MAGI2: variants seen among roughly 807,000 people sequenced by gnomAD.
MAGI2 encodes membrane associated guanylate kinase, WW and PDZ domain containing 2.
MAGI2 carries 35 observed loss-of-function variants against 133.3 expected under a neutral mutation model. That is an observed-to-expected ratio of 0.26 (90% CI 0.20 to 0.35). MAGI2 has a LOEUF of 0.35. Among genes scored for constraint, MAGI2 ranks in the 10% least tolerant of loss-of-function variants. MAGI2 has a pLI of 1.00. For synonymous variants in MAGI2, 729 were observed against 710.6 expected, an observed-to-expected ratio of 1.03 and a Z score of -0.41; for missense variants, 1,636 against 1,863.4, an observed-to-expected ratio of 0.88 and a Z score of 2.25.
chr7:78,857,154 T>G (rs374482727), intron 2 of MAGI2, among the ~76,000 whole-genome samples: 1 of 152,354 alleles, frequency 6.6e-6, no homozygotes, highest in South Asian at 2.1e-4. Flanking sequence ...GATTTTGGAC[T>G]GAGACAATGG....
intron 20 of MAGI2, among the ~76,000 whole-genome samples, chr7:78,088,481 T>C (rs567502672): frequency 2.0e-5 from 3 of 152,326 alleles, no homozygotes; most frequent in South Asian, 4.1e-4. Context: ...ATTTTGAAGA[T>C]AATTTAATGA....
At chr7:78,255,761 A>T in intron 10 of MAGI2, 182 bp downstream of exon 10, 1 of 669,488 alleles carries the variant, frequency 1.5e-6, no homozygotes, top group Non-Finnish European at 2.6e-6. Flanking sequence ...ATAGAAAAAG[A>T]CATATTCTGA....
chr7:79,335,479 G>A (rs373826483), intron 1 of MAGI2, among the ~76,000 whole-genome samples: 238 of 152,020 alleles, frequency 1.6e-3, no homozygotes, highest in African/African-American at 5.5e-3. Context: ...ATAAAGGAAA[G>A]GCAAGATATA....
intron 3 of MAGI2, among the ~76,000 whole-genome samples, chr7:78,573,510 C>T (rs1801949743): frequency 7.1e-6 from 1 of 141,102 alleles, no homozygotes; most frequent in Non-Finnish European, 1.5e-5. Flanking sequence ...CCTCTGGGCC[C>T]CATTCAAAAA....
At chr7:78,591,394 C>CCA (rs1322990163) in intron 3 of MAGI2, among the ~76,000 whole-genome samples, 1 of 152,174 alleles carries the variant, frequency 6.6e-6, no homozygotes, top group African/African-American at 2.4e-5. Flanking sequence ...TCTAATGTAG[C>CCA]CACATCTAGC....
chr7:78,536,355 G>T (rs1036361924), intron 3 of MAGI2, among the ~76,000 whole-genome samples: 1 of 151,356 alleles, frequency 6.6e-6, no homozygotes, highest in African/African-American at 2.4e-5. Flanking sequence ...CTCGTGATCC[G>T]CCCGCCTCGG....
chr7:78,660,329 T>G (rs2151039142), intron 2 of MAGI2, among the ~76,000 whole-genome samples: 1 of 152,292 alleles, frequency 6.6e-6, no homozygotes, highest in Non-Finnish European at 1.5e-5. Flanking sequence ...GTATACCTCT[T>G]TAATATGCCA....
chr7:78,085,568 A>T (rs1366964422), intron 20 of MAGI2, among the ~76,000 whole-genome samples: 1 of 146,494 alleles, frequency 6.8e-6, no homozygotes, highest in South Asian at 2.1e-4. Context: ...ACACACACAC[A>T]CACACACACA....
intron 1 of MAGI2, among the ~76,000 whole-genome samples, chr7:79,359,665 G>A (rs928352077): frequency 6.6e-5 from 9 of 135,912 alleles, no homozygotes; most frequent in African/African-American, 2.5e-4. Context: ...ATGCTCAAGT[G>A]GGAAACACAC....
chr7:78,704,679 G>T (rs1252342874), intron 2 of MAGI2, among the ~76,000 whole-genome samples: 1 of 151,530 alleles, frequency 6.6e-6, no homozygotes, highest in Non-Finnish European at 1.5e-5. Context: ...ACTGGATAAG[G>T]AAAAGTTAGT....
intron 2 of MAGI2, among the ~76,000 whole-genome samples, chr7:78,903,258 G>GA (rs1308364124): frequency 1.3e-4 from 16 of 122,574 alleles, no homozygotes; most frequent in East Asian, 7.7e-4. Flanking sequence ...CAGTGGCGCT[G>GA]TCTTGGCTCA....
At chr7:79,399,110 TG>T (rs1228846004) in intron 1 of MAGI2, among the ~76,000 whole-genome samples, 1 of 146,208 alleles carries the variant, frequency 6.8e-6, no homozygotes, top group Admixed American at 6.9e-5. Flanking sequence ...TTTTTTTTTT[TG>T]GGAGATGGAG....
chr7:78,824,724 C>T (rs544734565), intron 2 of MAGI2, among the ~76,000 whole-genome samples: 1 of 152,204 alleles, frequency 6.6e-6, no homozygotes, highest in East Asian at 1.9e-4. Flanking sequence ...CTGTAGGTTG[C>T]CTGTTCACAC....
chr7:79,342,884 C>A (rs1232058746), intron 1 of MAGI2, among the ~76,000 whole-genome samples: 1 of 151,986 alleles, frequency 6.6e-6, no homozygotes, highest in Non-Finnish European at 1.5e-5. Flanking sequence ...CTCAGCCTCC[C>A]AAGTAGCTGG....
intron 1 of MAGI2, among the ~76,000 whole-genome samples, chr7:79,369,521 C>T (rs1013742339): frequency 2.6e-5 from 4 of 152,186 alleles, no homozygotes; most frequent in African/African-American, 9.6e-5. Context: ...ATGCAAGAAG[C>T]TCCCATGATG....
intron 6 of MAGI2, among the ~76,000 whole-genome samples, chr7:78,467,589 G>T (rs539277448): frequency 2.0e-5 from 3 of 151,464 alleles, no homozygotes; most frequent in African/African-American, 7.3e-5. Flanking sequence ...ATAAAACATA[G>T]ATAAGAAAGA....
chr7:79,113,484 C>T lies in MAGI2; in HGVS notation c.302-106278G>A, dbSNP rs79897497. ...GAAGGCAACACAACTCTAAGTTTTG[C>T]TGTCTGTACTTAAACTGAATAACAG... is the stretch of plus-strand genomic sequence containing the variant. On this transcript the variant is annotated intron_variant, in intron 1 of 21. Transcript: ENST00000354212. Among the ~76,000 whole-genome samples, 6 of 152,294 alleles carry T rather than the reference C, an allele frequency of 3.9e-5. No homozygotes were observed. The East Asian group carries it at 9.6e-4, about 24-fold the overall frequency.
intron 3 of MAGI2, among the ~76,000 whole-genome samples, chr7:78,593,846 G>A (rs1159524200): frequency 2.0e-5 from 3 of 152,030 alleles, no homozygotes; most frequent in South Asian, 2.1e-4. Context: ...TCCAAGGTAC[G>A]GGAACTTTTG....
intron 1 of MAGI2, among the ~76,000 whole-genome samples, chr7:79,016,623 C>G (rs189668424): frequency 6.6e-6 from 1 of 152,238 alleles, no homozygotes; most frequent in African/African-American, 2.4e-5. Flanking sequence ...TTGGGTAGAC[C>G]TTGCCTTCCC....
Sources: gnomAD v4.1 joint callset for allele counts (sites outside exome capture counted in the v4.1 genomes callset) on GRCh38, gnomAD v4.1.1 for gene constraint, MANE v1.5 for transcripts, NCBI Gene and HGNC (gene_info 2026-07-23, HGNC 2026-07-21) for gene names.